The following GIT2 variants were observed in gnomAD, a reference collection of about 807,000 sequenced individuals.
GIT2 encodes the protein ARF GTPase-activating protein GIT2.
GIT2 carries 32 observed loss-of-function variants against 100.3 expected under a neutral mutation model. The ratio of observed to expected loss-of-function variants is 0.32; its 90% CI spans 0.24 to 0.43. GIT2 has a LOEUF of 0.43. Among genes scored for constraint, GIT2 ranks in the 20% least tolerant of loss-of-function variants. The pLI is 1.00. For synonymous variants in GIT2, 353 were observed against 364.1 expected (o/e 0.97, Z 0.35); for missense variants, 737 against 975.1 (o/e 0.76, Z 3.25).
At chr12:109,992,026 C>T (rs952057382) in intron 1 of GIT2, 13 of 358,974 alleles carry the variant, frequency 3.6e-5, no homozygotes, top group Middle Eastern at 1.5e-3. Flanking sequence ...AGTTTGTAGC[C>T]CTAATGTGGA....
At chr12:109,991,846 G>T in intron 1 of GIT2, 86 bp from the exon 2 acceptor site, 1 of 1,237,742 alleles carries the variant, frequency 8.1e-7, no homozygotes, top group Non-Finnish European at 1.2e-6. Flanking sequence ...AGTTTGGTTT[G>T]TCAGAAAAAG....
chr12:109,982,996 A>C (rs2136818400), intron 6 of GIT2: 1 of 171,228 alleles, frequency 5.8e-6, no homozygotes, highest in South Asian at 1.3e-4. Flanking sequence ...TTAACTTTTT[A>C]CTATACTTGT....
intron 17 of GIT2, 78 bp downstream of exon 17, chr12:109,939,087 T>G: frequency 2.5e-6 from 2 of 803,728 alleles, no homozygotes; most frequent in South Asian, 2.7e-5. Context: ...TGTGGTGAAC[T>G]GCTTCTGCTG....
At chr12:109,999,848 C>T, upstream of GIT2, 1 of 1,395,104 alleles carries the variant, frequency 7.2e-7, no homozygotes. This position sits in a 1 kb window ranked among gnomAD's most constrained non-coding sequence, Gnocchi z 4.3. Context: ...GTCGTTTCGC[C>T]TCCCTGAGCC....
intron 12 of GIT2, among the ~76,000 whole-genome samples, chr12:109,954,771 C>T (rs1878926818): frequency 6.6e-6 from 1 of 151,724 alleles, no homozygotes; most frequent in Admixed American, 6.6e-5. Context: ...TGGTGGTGCA[C>T]ATCTGTAATC....
rs991527178 is a variant in GIT2, at chr12:109,965,400, C to T, written c.816+126G>A. On this transcript the variant is annotated intron_variant, in intron 9 of 19. Transcript: ENST00000355312. Reference sequence around the variant, plus strand: ...CTGCTGTATACTCAACAGTCTGCTTCTAGTTTAACAAATAAAAGTATGAAA... The same window carrying T: ...CTGCTGTATACTCAACAGTCTGCTTTTAGTTTAACAAATAAAAGTATGAAA... 15 of 624,570 alleles carry T rather than the reference C, an allele frequency of 2.4e-5. No individual in the cohort carries two copies. In the African/African-American group the frequency reaches 2.6e-4, roughly 11 times the overall value. 38.7% of individuals were successfully genotyped at this position (624,570 alleles called of 1,614,324 possible).
At chr12:109,982,265 T>G (rs1443797058) in intron 6 of GIT2, 1 of 152,220 alleles carries the variant, frequency 6.6e-6, no homozygotes, top group Non-Finnish European at 1.5e-5. Context: ...ATCCAACCCA[T>G]TCTTCAAGAC....
chr12:109,996,508 G>A (rs1424553297), upstream of GIT2: 4 of 402,878 alleles, frequency 9.9e-6, no homozygotes, highest in East Asian at 1.2e-4. Flanking sequence ...ATTGAATTTG[G>A]GTCTTCTTCT....
At chr12:109,996,617 A>T (rs1000612918), upstream of GIT2, among the ~76,000 whole-genome samples, 1 of 152,232 alleles carries the variant, frequency 6.6e-6, no homozygotes, top group Admixed American at 6.5e-5. Flanking sequence ...GAGGCAATCA[A>T]TGGTCAAGTT....
chr12:109,952,303 G>T (rs966945045), intron 13 of GIT2, among the ~76,000 whole-genome samples: 4 of 152,104 alleles, frequency 2.6e-5, no homozygotes, highest in African/African-American at 9.7e-5. Context: ...ACAGCCTGGG[G>T]TCCTGCTGCC....
At chr12:109,950,947 ATAGAT>A in intron 14 of GIT2, 1 of 560,072 alleles carries the variant, frequency 1.8e-6, no homozygotes, top group Non-Finnish European at 3.2e-6. Context: ...AAATGCTTAA[ATAGAT>A]GTTAGGTTTC....
rs1881220403 is a variant in GIT2 at position 109,962,018 on chromosome 12, A to G, written c.817-333T>C. 6.6e-6 allele frequency among the ~76,000 whole-genome samples: 1 copy of G among 152,198 alleles called. No homozygotes were observed. The highest frequency in any genetic ancestry group is 2.1e-4 in the South Asian group (1 of 4,822). On this transcript the variant is annotated intron_variant, in intron 9 of 19. Coordinates refer to ENST00000355312, the MANE Select transcript of GIT2 (RefSeq NM_057169.5). This position sits in a 1 kb window ranked among gnomAD's most constrained non-coding sequence, Gnocchi z 4.3. ...CTGTAAGCCTCCTTTTCTGCACTTA[A>G]AAGTGCTTATCAGTTCCCCAAAGTA... is the stretch of plus-strand genomic sequence containing the variant.
chr12:109,994,254 A>T (rs1888935844), intron 1 of GIT2, among the ~76,000 whole-genome samples: 1 of 152,222 alleles, frequency 6.6e-6, no homozygotes, highest in Non-Finnish European at 1.5e-5. Flanking sequence ...TTAGAATGTT[A>T]ACATAGTAAA....
chr12:109,978,106 G>A (rs553885371), intron 7 of GIT2, among the ~76,000 whole-genome samples: 5 of 129,236 alleles, frequency 3.9e-5, no homozygotes, highest in Admixed American at 1.7e-4. Flanking sequence ...TTTTTGAGAC[G>A]GAGTTTCGCT....
rs551856928 is a variant in GIT2, at chr12:109,932,907, A to T, written c.*71T>A. The T allele has an allele frequency of 3.5e-5, 29 of 821,886 alleles. No homozygotes were observed. The East Asian group carries it at 7.1e-4, about 20-fold the overall frequency. The allele number at this position is 821,886 out of a possible 1,614,324, so 50.9% of individuals were successfully genotyped here. On this transcript the variant is annotated 3_prime_UTR_variant, in exon 20 of 20. Transcript: ENST00000355312. ...TGTTTCTTTTTGTAGAAATCTGAAG[A>T]GTTCTGCGTCTGAATTTGAAATTGG...
chr12:109,933,552 C>T lies in GIT2; in HGVS notation c.2068-362G>A, dbSNP rs1872107792. 1 of 223,834 alleles carries T rather than the reference C, an allele frequency of 4.5e-6. No individual in the cohort carries two copies. Among genetic ancestry groups the T allele is most frequent in the Non-Finnish European group, 8.9e-6 (1 of 112,634 alleles). The allele number at this position is 223,834 out of a possible 1,614,324, so 13.9% of individuals were successfully genotyped here. On this transcript the variant is annotated intron_variant, in intron 19 of 19. Transcript: ENST00000355312. This position sits in a 1 kb window ranked among gnomAD's most constrained non-coding sequence, Gnocchi z 4.5. ...ATCCTTGTCTTATTAAATCAACATT[C>T]ATGCAGAACAAAAATATTTCAAAGC...
intron 2 of GIT2, among the ~76,000 whole-genome samples, chr12:109,991,370 A>C (rs1051223436): frequency 1.3e-5 from 2 of 152,296 alleles, no homozygotes; most frequent in Middle Eastern, 3.4e-3. Context: ...AACAGTACCA[A>C]GATATTTTAA....
rs773277177 is a variant in GIT2, at chr12:109,934,543, G to A, written c.2004-458C>T. Among the ~76,000 whole-genome samples the A allele has an allele frequency of 6.6e-6, 1 of 152,198 alleles. No homozygotes were observed. Among genetic ancestry groups the A allele is most frequent in the Non-Finnish European group, 1.5e-5 (1 of 68,038 alleles). ...CTTCAGGCATGCACCGCCATGCCTG[G>A]CTGATTTTTAAATATTTTTTTGTAG... On this transcript the variant is annotated intron_variant, in intron 18 of 19. Coordinates refer to ENST00000355312, the MANE Select transcript of GIT2 (RefSeq NM_057169.5). This position sits in a 1 kb window ranked among gnomAD's most constrained non-coding sequence, Gnocchi z 4.5.
intron 8 of GIT2, among the ~76,000 whole-genome samples, chr12:109,966,707 T>C (rs545655657): frequency 3.3e-5 from 5 of 151,950 alleles, no homozygotes; most frequent in Admixed American, 1.3e-4. Flanking sequence ...AAGATCAGGA[T>C]GGCAAGATTA....
Sources: allele counts gnomAD v4.1 joint callset (sites outside exome capture counted in the v4.1 genomes callset), GRCh38; gene constraint gnomAD v4.1.1; non-coding constraint Gnocchi (gnomAD v3.1); transcripts MANE v1.5; gene names NCBI Gene and HGNC (gene_info 2026-07-23, HGNC 2026-07-21).